CFAP53: variants seen among roughly 807,000 people sequenced by gnomAD.
CFAP53 encodes cilia and flagella associated protein 53, also known as cilia- and flagella-associated protein 53.
CFAP53 carries 62 observed loss-of-function variants against 59.7 expected under a neutral mutation model. The observed-to-expected ratio is 1.04, with a 90% CI of 0.85 to 1.28. The LOEUF is 1.28. Ranked by LOEUF, CFAP53 falls within the 50% of genes most tolerant of loss-of-function variation. CFAP53 has a pLI of 0.00. For missense variants in CFAP53, 629 were observed against 615.6 expected, an observed-to-expected ratio of 1.02 and a Z score of -0.23; for synonymous variants, 218 against 205.7, an observed-to-expected ratio of 1.06 and a Z score of -0.51.
At chr18:50,264,641 C>A (rs1192956693) in intron 1 of CFAP53, among the ~76,000 whole-genome samples, 1 of 152,240 alleles carries the variant, frequency 6.6e-6, no homozygotes, top group Non-Finnish European at 1.5e-5. Flanking sequence ...CCTCTAACAT[C>A]TATCTTTCTT....
intron 1 of CFAP53, among the ~76,000 whole-genome samples, chr18:50,262,697 G>A (rs1330180052): frequency 6.6e-6 from 1 of 152,028 alleles, no homozygotes; most frequent in African/African-American, 2.4e-5. Context: ...GCTACTATGC[G>A]AATATATAGA....
chr18:50,238,067 A>C (rs1204766051), intron 7 of CFAP53, among the ~76,000 whole-genome samples: 1 of 152,356 alleles, frequency 6.6e-6, no homozygotes, highest in East Asian at 1.9e-4. Flanking sequence ...CAGCCTAATA[A>C]CTTATGTGTA....
rs190708534 is a variant in CFAP53, at chr18:50,232,352, C to A, written c.1317-4743G>T. Among the ~76,000 whole-genome samples, 55 of 152,316 alleles carry A rather than the reference C, an allele frequency of 3.6e-4. 1 individual carries two copies. In the East Asian group the frequency reaches 0.01, roughly 28 times the overall value. On this transcript the variant is annotated intron_variant, in intron 7 of 7. Transcript: ENST00000398545. ...TCAAATTAGCCTCCTGAGTCCTTTA[C>A]AACTGACAGCAGAATAAGGAGGACA... is the stretch of plus-strand genomic sequence containing the variant.
At chr18:50,265,459 C>T (rs2033942650) in intron 1 of CFAP53, among the ~76,000 whole-genome samples, 1 of 152,116 alleles carries the variant, frequency 6.6e-6, no homozygotes, top group Non-Finnish European at 1.5e-5. Context: ...AAATCCTAGA[C>T]ATCTCTGGTC....
At position 50,261,177 on chromosome 18, in the gene CFAP53, TTTC is replaced by T. The variant is rs780408038; in HGVS notation, c.357_359del (p.Lys120del). 116 of 1,593,534 alleles carry T rather than the reference TTTC, an allele frequency of 7.3e-5. No homozygotes were observed. Among genetic ancestry groups the T allele is most frequent in the Non-Finnish European group, 9.5e-5 (112 of 1,174,678 alleles). The stretch of plus-strand genomic sequence containing the variant: ...TATCTTTTTTCTCCTCAATGGTTTC[TTTC>T]TTCAATTGCATTTCTGTAAAATACT... On this transcript the variant is annotated inframe_deletion, in exon 3 of 8. Transcript: ENST00000398545.
chr18:50,250,497 C>T (rs946084900), intron 5 of CFAP53, among the ~76,000 whole-genome samples: 2 of 152,146 alleles, frequency 1.3e-5, no homozygotes, highest in African/African-American at 4.8e-5. Context: ...AGTTCTCAAA[C>T]TTTAGTTAGC....
rs1427275602 is a variant in CFAP53, at chr18:50,227,336, A to C, written c.*45T>G. 1 of 1,503,268 alleles carries C rather than the reference A, an allele frequency of 6.7e-7. No individual in the cohort carries two copies. Among genetic ancestry groups the C allele is most frequent in the Non-Finnish European group, 9.2e-7 (1 of 1,085,352 alleles). The allele number at this position is 1,503,268 out of a possible 1,614,324, so 93.1% of individuals were successfully genotyped here. The stretch of plus-strand genomic sequence containing the variant: ...AGAAGCATACAAGCATACTGTAGTT[A>C]AAAATATTAAAAGACCAAGAAAAGA... On this transcript the variant is annotated 3_prime_UTR_variant, in exon 8 of 8. Transcript: ENST00000398545.
chr18:50,250,937 C>G lies in CFAP53; in HGVS notation c.817G>C (p.Asp273His). 1 of 1,614,100 alleles carries G rather than the reference C, an allele frequency of 6.2e-7. No homozygotes were observed. The highest frequency in any genetic ancestry group is 8.5e-7 in the Non-Finnish European group (1 of 1,180,018). The change falls in exon 5 of 8, where the codon GAT (aspartate) becomes CAT (histidine). Residue 273 changes from aspartate (D) to histidine (H), a missense_variant. Physicochemically the swap from Asp to His is moderately conservative, Grantham distance 81. Transcript: ENST00000398545. ...NAQIKHENEQ[D>H]MLKKQKAKQE... Reference sequence around the variant, plus strand: ...TTTGCCTTCTGTTTCTTTAGCATATCCTGTTCATTCTCATGTTTAATCTGT... The same window carrying G: ...TTTGCCTTCTGTTTCTTTAGCATATGCTGTTCATTCTCATGTTTAATCTGT...
intron 5 of CFAP53, among the ~76,000 whole-genome samples, chr18:50,247,029 CAA>C (rs557548344): frequency 4.1e-4 from 60 of 147,924 alleles, no homozygotes; most frequent in African/African-American, 1.5e-3. Context: ...GCCTGGGCGA[CAA>C]GAGTGAGATT....
intron 5 of CFAP53, 31 bp from the exon 6 acceptor site, chr18:50,243,147 AT>A: frequency 6.4e-7 from 1 of 1,553,940 alleles, no homozygotes. Flanking sequence ...TATTGTTAAA[AT>A]TTTTTGGTGT....
At chr18:50,247,057 G>C (rs77239596) in intron 5 of CFAP53, among the ~76,000 whole-genome samples, 1 of 149,410 alleles carries the variant, frequency 6.7e-6, no homozygotes, top group African/African-American at 2.5e-5. Flanking sequence ...AAAAAAAAAA[G>C]AACTCTTACA....
chr18:50,263,128 A>G (rs2144438520), intron 1 of CFAP53, among the ~76,000 whole-genome samples: 1 of 152,366 alleles, frequency 6.6e-6, no homozygotes, highest in East Asian at 1.9e-4. Context: ...GAAATGAATG[A>G]ATGAATGAGT....
chr18:50,247,823 G>A (rs1005230168), intron 5 of CFAP53, among the ~76,000 whole-genome samples: 1 of 152,178 alleles, frequency 6.6e-6, no homozygotes, highest in Admixed American at 6.5e-5. Context: ...GGGGAAGAAG[G>A]GATAGCAGGA....
chr18:50,246,826 G>A (rs561435711), intron 5 of CFAP53, among the ~76,000 whole-genome samples: 203 of 151,950 alleles, frequency 1.3e-3, no homozygotes, highest in African/African-American at 4.5e-3. Context: ...TGGGTGGATC[G>A]CCTAAGGTCA....
chr18:50,251,085 C>T (rs960043087), intron 4 of CFAP53, 109 bp from the exon 5 acceptor site: 1 of 914,562 alleles, frequency 1.1e-6, no homozygotes, highest in Admixed American at 2.0e-5. Flanking sequence ...TACACACACA[C>T]CTGGATTTAG....
At chr18:50,256,289 A>G (rs1156420071) in intron 3 of CFAP53, 1 of 152,228 alleles carries the variant, frequency 6.6e-6, no homozygotes, top group Non-Finnish European at 1.5e-5. Flanking sequence ...CACCCACAGC[A>G]TCTTTTCCCC....
chr18:50,257,617 C>A (rs1246419925), intron 3 of CFAP53, among the ~76,000 whole-genome samples: 1 of 152,128 alleles, frequency 6.6e-6, no homozygotes, highest in Non-Finnish European at 1.5e-5. Flanking sequence ...AAGAGGACAT[C>A]AAAAAATTGA....
At chr18:50,264,360 T>G (rs1377410345) in intron 1 of CFAP53, among the ~76,000 whole-genome samples, 1 of 152,228 alleles carries the variant, frequency 6.6e-6, no homozygotes, top group African/African-American at 2.4e-5. Context: ...AGAACAATGC[T>G]TTACATCCTA....
intron 7 of CFAP53, among the ~76,000 whole-genome samples, chr18:50,227,871 T>C (rs2033540762): frequency 6.6e-6 from 1 of 152,046 alleles, no homozygotes; most frequent in East Asian, 1.9e-4. Context: ...GTAATGGTCC[T>C]TGGTTTGCCT....
Sources: allele counts gnomAD v4.1 joint callset (sites outside exome capture counted in the v4.1 genomes callset), GRCh38; gene constraint gnomAD v4.1.1; transcripts MANE v1.5; gene names NCBI Gene and HGNC (gene_info 2026-07-23, HGNC 2026-07-21).